The following XPNPEP2 variants were observed in gnomAD, a reference collection of about 807,000 sequenced individuals.
XPNPEP2 encodes the protein xaa-Pro aminopeptidase 2.
Under a neutral mutation model 59.8 loss-of-function variants are expected in XPNPEP2, and 64 were observed. The ratio of observed to expected loss-of-function variants is 1.07; its 90% confidence interval spans 0.87 to 1.32. XPNPEP2 has a LOEUF of 1.32. Among genes scored for constraint, XPNPEP2 ranks in the 40% most tolerant of loss-of-function variants. The pLI is 0.00. For missense variants in XPNPEP2, 575 were observed against 546.8 expected, an observed-to-expected ratio of 1.05 and a Z score of -0.51; for synonymous variants, 235 against 210.0, an observed-to-expected ratio of 1.12 and a Z score of -1.03.
intron 19 of XPNPEP2, among the ~76,000 whole-genome samples, chrX:129,765,385 T>C (rs1394818766): frequency 7.2e-5 from 8 of 111,760 alleles, no homozygotes; most frequent in Non-Finnish European, 1.9e-5. Context: ...AAGGTACATA[T>C]CTGGCGTAGG....
chrX:129,753,568 G>C (rs1926461307), intron 11 of XPNPEP2, among the ~76,000 whole-genome samples: 1 of 111,111 alleles, frequency 9.0e-6, no homozygotes, highest in Admixed American at 9.6e-5. Flanking sequence ...GCTTGAACCT[G>C]GGAAGTAGAG....
At chrX:129,757,863 G>A (rs1222483095) in intron 14 of XPNPEP2, among the ~76,000 whole-genome samples, 23 of 67,550 alleles carry the variant, frequency 3.4e-4, no homozygotes, top group African/African-American at 1.7e-3. Flanking sequence ...AAGAAAGAGG[G>A]AGAGAGAGAA....
intron 17 of XPNPEP2, among the ~76,000 whole-genome samples, chrX:129,761,765 A>G (rs192539472): frequency 8.9e-6 from 1 of 111,935 alleles, no homozygotes; most frequent in East Asian, 2.8e-4. Flanking sequence ...GCAGTGAGCC[A>G]TGATGGCGCC....
rs1926796813 is a variant in XPNPEP2, at chrX:129,768,575, C to A, written c.*90C>A. The A allele has an allele frequency of 7.3e-6, 6 of 817,292 alleles. No homozygotes were observed. The highest frequency in any genetic ancestry group is 4.7e-5 in the Admixed American group (1 of 21,372). 67.4% of individuals were successfully genotyped at this position (817,292 alleles called of 1,213,427 possible). ...CCCTGCACTGAACATACCCCAAGAG[C>A]CCCTGCTGGCCCATTGCCTAGAAAC... On this transcript the variant is annotated 3_prime_UTR_variant, in exon 21 of 21. Coordinates refer to ENST00000371106, the MANE Select transcript of XPNPEP2 (RefSeq NM_003399.6).
rs1926636584 is a variant in XPNPEP2 at position 129,760,524 on chromosome X, C to T, written c.1441C>T (p.Arg481Cys). ...CTCTCCCCATCAGGAGGCATACACCCGTGTGCTGATAGGAAATATTGACCT... is the reference window on the plus strand; with the variant it reads ...CTCTCCCCATCAGGAGGCATACACCTGTGTGCTGATAGGAAATATTGACCT... ...PSAFQKEAYT[R>C]VLIGNIDLSR... Residue 481 changes from arginine (R) to cysteine (C), a missense_variant, in exon 16 of 21, where the codon CGT (arginine) becomes TGT (cysteine). Transcript: ENST00000371106. 8.3e-7 allele frequency: 1 copy of T among 1,211,855 alleles called. No individual in the cohort carries two copies. The highest frequency in any genetic ancestry group is 1.1e-6 in the Non-Finnish European group (1 of 895,362).
intron 15 of XPNPEP2, among the ~76,000 whole-genome samples, chrX:129,760,233 T>C (rs1926630409): frequency 8.9e-6 from 1 of 112,321 alleles, no homozygotes; most frequent in Non-Finnish European, 1.9e-5. Flanking sequence ...ACAGCCTCGG[T>C]TCACCGCCAC....
intron 14 of XPNPEP2, among the ~76,000 whole-genome samples, chrX:129,757,847 G>GAAAGAAAGAA (rs1926563758): frequency 1.2e-5 from 1 of 82,503 alleles, no homozygotes; most frequent in African/African-American, 5.3e-5. Context: ...AAGAAAGAAA[G>GAAAGAAAGAA]AAAGAAAGAA....
intron 19 of XPNPEP2, among the ~76,000 whole-genome samples, chrX:129,763,331 T>C (rs945323756): frequency 1.8e-5 from 2 of 112,328 alleles, no homozygotes; most frequent in Non-Finnish European, 3.8e-5. Flanking sequence ...GTAAAGTTTA[T>C]TTGTAAAAAT....
rs758330671 is a variant in XPNPEP2, at chrX:129,746,793, G to A, written c.490+112G>A. On this transcript the variant is annotated intron_variant, in intron 6 of 20. Transcript: ENST00000371106. ...GAAGGAGGGGCGGTGGGACTATAAA[G>A]ATAGAGCATTTGAAATTGTAGTTGC... The A allele has an allele frequency of 2.1e-5, 14 of 666,492 alleles. No individual in the cohort carries two copies. The South Asian group carries it at 3.2e-4, about 15-fold the overall frequency. 54.9% of individuals were successfully genotyped at this position (666,492 alleles called of 1,213,427 possible). A position where few individuals can be genotyped will look rare whatever the true frequency, so the allele number is the denominator to read the frequency against.
chrX:129,745,416 C>A, intron 4 of XPNPEP2, 150 bp downstream of exon 4: 2 of 605,238 alleles, frequency 3.3e-6, no homozygotes, highest in South Asian at 2.9e-5. Context: ...TCCACCACCC[C>A]AAAACCATCA....
At chrX:129,756,830 GTTGT>G (rs59815516) in intron 14 of XPNPEP2, among the ~76,000 whole-genome samples, 8 of 107,361 alleles carry the variant, frequency 7.5e-5, no homozygotes, top group Middle Eastern at 4.7e-3. Context: ...TTTTTTGTGG[GTTGT>G]TTGTTTGTTT....
intron 3 of XPNPEP2, among the ~76,000 whole-genome samples, chrX:129,744,366 C>G (rs1468495014): frequency 8.9e-6 from 1 of 112,383 alleles, no homozygotes; most frequent in East Asian, 2.8e-4. Context: ...TTTAGGGTAT[C>G]CCTGCCCTAG....
intron 8 of XPNPEP2, among the ~76,000 whole-genome samples, chrX:129,750,813 C>T (rs1188181807): frequency 8.9e-6 from 1 of 112,339 alleles, no homozygotes; most frequent in Admixed American, 9.4e-5. Flanking sequence ...ACCAGAGGAA[C>T]GAACTGACTA....
intron 9 of XPNPEP2, 145 bp downstream of exon 9, chrX:129,751,971 C>T: frequency 1.2e-6 from 1 of 808,968 alleles, no homozygotes; most frequent in Non-Finnish European, 1.8e-6. Context: ...TAGAAAACCC[C>T]CTGTTGTCTT....
chrX:129,757,710 G>A (rs989308665), intron 14 of XPNPEP2, among the ~76,000 whole-genome samples: 20 of 105,057 alleles, frequency 1.9e-4, no homozygotes, highest in Admixed American at 1.7e-3. Flanking sequence ...CAGGAGAATC[G>A]CTTGAACCCG....
intron 4 of XPNPEP2, among the ~76,000 whole-genome samples, chrX:129,745,825 G>A (rs192816766): frequency 2.0e-4 from 22 of 111,282 alleles, no homozygotes; most frequent in Non-Finnish European, 3.4e-4. Context: ...ACCCTGCCTC[G>A]TGCCTCGTAG....
intron 20 of XPNPEP2, 135 bp from the exon 21 acceptor site, chrX:129,768,156 A>C (rs1926786340): frequency 3.5e-6 from 2 of 565,906 alleles, no homozygotes; most frequent in Non-Finnish European, 5.4e-6. Context: ...CTGAAGCCTG[A>C]TGATGGTGGG....
At chrX:129,762,258 C>A (rs1926670763) in intron 18 of XPNPEP2, among the ~76,000 whole-genome samples, 193 bp downstream of exon 18, 1 of 111,699 alleles carries the variant, frequency 9.0e-6, no homozygotes, top group Non-Finnish European at 1.9e-5. Context: ...TCCCCTCAGC[C>A]CAGACCCTCT....
chrX:129,754,869 TG>T (rs769459565), intron 12 of XPNPEP2, among the ~76,000 whole-genome samples: 1 of 110,973 alleles, frequency 9.0e-6, no homozygotes, highest in Non-Finnish European at 1.9e-5. Context: ...TGAATCTCCC[TG>T]GGGGGTGCTG....
Sources: gnomAD v4.1 joint callset for allele counts (sites outside exome capture counted in the v4.1 genomes callset) on GRCh38, gnomAD v4.1.1 for gene constraint, MANE v1.5 for transcripts, NCBI Gene and HGNC (gene_info 2026-07-23, HGNC 2026-07-21) for gene names.